NT5C2: variants seen among roughly 807,000 people sequenced by gnomAD.
The protein encoded by NT5C2 is 5'-nucleotidase, cytosolic II.
Under a neutral mutation model 76.1 loss-of-function variants are expected in NT5C2, and 58 were observed. The observed-to-expected ratio is 0.76, with a 90% confidence interval of 0.62 to 0.95. The LOEUF is 0.95. Among genes scored for constraint, NT5C2 ranks in the 40% least tolerant of loss-of-function variants. The probability of loss-of-function intolerance (pLI) is 0.00; values close to 1 mark genes in which losing one functional copy is unlikely to be tolerated. For missense variants in NT5C2, 478 were observed against 690.3 expected, an observed-to-expected ratio of 0.69 and a Z score of 3.45; for synonymous variants, 229 against 237.4, an observed-to-expected ratio of 0.96 and a Z score of 0.32.
chr10:103,092,997 G>T, intron 15 of NT5C2, 142 bp downstream of exon 15: 1 of 538,228 alleles, frequency 1.9e-6, no homozygotes, highest in Non-Finnish European at 3.1e-6. Context: ...AATATTCTAT[G>T]GGAAGGAAGT....
chr10:103,119,703 A>G (rs948378156), intron 4 of NT5C2, among the ~76,000 whole-genome samples: 14 of 152,244 alleles, frequency 9.2e-5, no homozygotes, highest in Non-Finnish European at 1.2e-4. Context: ...TAGTAAGTTC[A>G]GCTCAGCTAA....
At chr10:103,093,646 G>T (rs2067447958) in intron 14 of NT5C2, 3 of 377,250 alleles carry the variant, frequency 8.0e-6, no homozygotes, top group Non-Finnish European at 1.4e-5. Flanking sequence ...AACATACTAT[G>T]TACCTATACC....
chr10:103,175,839 G>A (rs1207753627), intron 2 of NT5C2: 2 of 166,142 alleles, frequency 1.2e-5, no homozygotes, highest in Non-Finnish European at 1.3e-5. Flanking sequence ...TCAGCAGGCT[G>A]CTCTTCCACA....
chr10:103,154,090 G>C (rs374142121), intron 3 of NT5C2, among the ~76,000 whole-genome samples: 1 of 152,076 alleles, frequency 6.6e-6, no homozygotes, highest in African/African-American at 2.4e-5. Context: ...TGAAAAAAAA[G>C]AATCTGTAAC....
At chr10:103,136,752 C>T (rs1349872787) in intron 4 of NT5C2, among the ~76,000 whole-genome samples, 1 of 151,882 alleles carries the variant, frequency 6.6e-6, no homozygotes, top group Admixed American at 6.6e-5. Context: ...AGCCTCCTGA[C>T]CAGCTGAGAC....
chr10:103,158,235 A>G (rs1041046180), intron 3 of NT5C2, among the ~76,000 whole-genome samples: 1 of 152,158 alleles, frequency 6.6e-6, no homozygotes. Flanking sequence ...AGCAGTGCTC[A>G]GAAGAAAATT....
chr10:103,174,176 G>A lies in NT5C2; in HGVS notation c.101+682C>T, dbSNP rs187116727. Among the ~76,000 whole-genome samples, 61 of 152,214 alleles carry A rather than the reference G, an allele frequency of 4.0e-4. No homozygotes were observed. The East Asian group carries it at 0.01, about 26-fold the overall frequency. ...AATCCCAGCACTTCGGGAGGCTGAG[G>A]TGGGGAGATCACTTGAGGCCAGGAG... On this transcript the variant is annotated intron_variant, in intron 3 of 18. Transcript: ENST00000404739.
chr10:103,141,335 G>A lies in NT5C2; in HGVS notation c.102-1856C>T, dbSNP rs140098715. Among the ~76,000 whole-genome samples, 35 of 152,244 alleles carry A rather than the reference G, an allele frequency of 2.3e-4. 1 individual carries two copies. In the East Asian group the frequency reaches 6.2e-3, roughly 27 times the overall value. ...CAGCTGGGGATGGTGGTGTGCACCT[G>A]TGGTCCCAGCTACTTGGGAGGCTGA... On this transcript the variant is annotated intron_variant, in intron 3 of 18. Transcript: ENST00000404739.
chr10:103,134,312 C>T (rs956437091), intron 4 of NT5C2, among the ~76,000 whole-genome samples: 1 of 152,158 alleles, frequency 6.6e-6, no homozygotes, highest in African/African-American at 2.4e-5. Flanking sequence ...CAGGCCCAGG[C>T]TCCCCATGCT....
chr10:103,126,566 G>A (rs777968806), intron 4 of NT5C2, among the ~76,000 whole-genome samples: 1 of 152,280 alleles, frequency 6.6e-6, no homozygotes, highest in Non-Finnish European at 1.5e-5. Context: ...AGGTTGCAGT[G>A]AGCAGAGATC....
chr10:103,160,535 A>C (rs2084582424), intron 3 of NT5C2, among the ~76,000 whole-genome samples: 1 of 152,216 alleles, frequency 6.6e-6, no homozygotes, highest in African/African-American at 2.4e-5. Context: ...ATATATAAAG[A>C]ACTTTTACAA....
intron 8 of NT5C2, 120 bp from the exon 9 acceptor site, chr10:103,100,139 G>A (rs569546630): frequency 4.9e-6 from 3 of 612,472 alleles, no homozygotes; most frequent in South Asian, 1.9e-5. Context: ...TGTGGCTAAT[G>A]AGGAAAATAA....
intron 10 of NT5C2, 106 bp downstream of exon 10, chr10:103,098,820 CCAAGA>C: frequency 1.3e-6 from 1 of 780,506 alleles, no homozygotes; most frequent in Non-Finnish European, 2.1e-6. Flanking sequence ...ACATACTATG[CCAAGA>C]CAAATCTCTT....
intron 4 of NT5C2, among the ~76,000 whole-genome samples, chr10:103,136,087 CA>C (rs146869807): frequency 2.1e-5 from 3 of 144,412 alleles, no homozygotes; most frequent in Non-Finnish European, 4.6e-5. Context: ...ACTCTGCCTC[CA>C]AAAAAAAAAC....
In NT5C2 at chr10:103,106,606, A is replaced by G. The variant is rs779952074; in HGVS notation, c.276T>C (p.Asp92=). The change falls in exon 5 of 19, where the codon GAT becomes GAC. Residue 92 remains aspartate (D), a synonymous_variant. Transcript: ENST00000404739. Reference sequence around the variant, plus strand: ...AAAATTACCTGGTAGGGAATGTAGAATCATAAGCAAAGCTGAGCAACTCCT... The same window carrying G: ...AAAATTACCTGGTAGGGAATGTAGAGTCATAAGCAAAGCTGAGCAACTCCT... ...YPQELLSFAY[D]STFPTRGLVF... is the part of the protein sequence containing the mutation. 2 of 1,610,178 alleles carry G rather than the reference A, an allele frequency of 1.2e-6. No homozygotes were observed. The highest frequency in any genetic ancestry group is 1.7e-6 in the Non-Finnish European group (2 of 1,176,540).
In NT5C2 at chr10:103,178,954, C is replaced by CTTTTT. The variant is rs758982511; in HGVS notation, c.-25+2226_-25+2230dup. Among the ~76,000 whole-genome samples, 4 of 128,482 alleles carry CTTTTT rather than the reference C, an allele frequency of 3.1e-5. 1 individual carries two copies. The highest frequency in any genetic ancestry group is 2.4e-4 in the Admixed American group (3 of 12,528). The allele number at this position is 128,482 out of a possible 152,430, so 84.3% of individuals were successfully genotyped here. A position where few individuals can be genotyped will look rare whatever the true frequency, so the allele number is the denominator to read the frequency against. ...TCTACGTTTTCTTTTTTCTTTTTTTCTTTTTTTTTTTTGAGATAGAGTCTT... is the reference window on the plus strand; with the variant it reads ...TCTACGTTTTCTTTTTTCTTTTTTTCTTTTTTTTTTTTTTTTTGAGATAGAGTCTT... On this transcript the variant is annotated intron_variant, in intron 2 of 18. Transcript: ENST00000404739.
chr10:103,183,262 G>T (rs1336861345), intron 1 of NT5C2, among the ~76,000 whole-genome samples: 18 of 73,366 alleles, frequency 2.5e-4, no homozygotes, highest in East Asian at 1.2e-3. Flanking sequence ...GTGTGTGTGT[G>T]ATATATATAT....
intron 12 of NT5C2, 75 bp downstream of exon 12, chr10:103,095,863 TC>T (rs1401687483): frequency 4.4e-6 from 6 of 1,349,588 alleles, no homozygotes; most frequent in Non-Finnish European, 6.3e-6. Flanking sequence ...ACCAATTCTT[TC>T]CCCCTTAATA....
At chr10:103,132,397 A>G (rs1306450758) in intron 4 of NT5C2, among the ~76,000 whole-genome samples, 1 of 152,188 alleles carries the variant, frequency 6.6e-6, no homozygotes, top group African/African-American at 2.4e-5. Flanking sequence ...CTGATAAAAA[A>G]CAAAGTCCAT....
Sources: gnomAD v4.1 joint callset for allele counts (sites outside exome capture counted in the v4.1 genomes callset) on GRCh38, gnomAD v4.1.1 for gene constraint, MANE v1.5 for transcripts, NCBI Gene and HGNC (gene_info 2026-07-23, HGNC 2026-07-21) for gene names.